The following GAREM1 variants were observed in gnomAD, a reference collection of about 807,000 sequenced individuals.
GAREM1 encodes the protein GRB2-associated and regulator of MAPK protein 1.
GAREM1 carries 26 observed loss-of-function variants against 71.3 expected under a neutral mutation model. The ratio of observed to expected loss-of-function variants is 0.36; its 90% confidence interval spans 0.27 to 0.51. The LOEUF is 0.51. Among genes scored for constraint, GAREM1 ranks in the 20% least tolerant of loss-of-function variants. GAREM1 has a pLI of 0.95. For synonymous variants in GAREM1, 440 were observed against 433.2 expected, an observed-to-expected ratio of 1.02 and a Z score of -0.20; for missense variants, 1,026 against 1,103.1, an observed-to-expected ratio of 0.93 and a Z score of 0.99.
rs111359293 is a variant in GAREM1, at chr18:32,272,312, G to A, written c.1567-1929C>T. Among the ~76,000 whole-genome samples the A allele has an allele frequency of 2.9e-3, 440 of 152,308 alleles. 4 individuals carry two copies. The highest frequency in any genetic ancestry group is 0.01 in the African/African-American group (419 of 41,572). ...AAATGAAATGGAAGCAATTTAAAAA[G>A]TCTTATCAACTGCATTTCTTCCCGG... On this transcript the variant is annotated intron_variant, in intron 4 of 5. Transcript: ENST00000269209.
chr18:32,465,736 C>T, intron 1 of GAREM1, among the ~76,000 whole-genome samples: 1 of 152,202 alleles, frequency 6.6e-6, no homozygotes. Context: ...ATCATCACAA[C>T]TGTAAAGGAA....
intron 3 of GAREM1, among the ~76,000 whole-genome samples, chr18:32,299,882 G>T (rs1242377056): frequency 6.6e-6 from 1 of 151,980 alleles, no homozygotes; most frequent in Non-Finnish European, 1.5e-5. Context: ...ACCTTTAAAG[G>T]TTTTAAACAA....
intron 2 of GAREM1, among the ~76,000 whole-genome samples, chr18:32,359,746 G>T (rs907540671): frequency 1.3e-5 from 2 of 152,098 alleles, no homozygotes; most frequent in Non-Finnish European, 2.9e-5. Flanking sequence ...CTTAGCAAGA[G>T]TTTGTCTCTA....
At chr18:32,394,104 G>A (rs1179550181) in intron 1 of GAREM1, among the ~76,000 whole-genome samples, 2 of 152,288 alleles carry the variant, frequency 1.3e-5, no homozygotes, top group East Asian at 3.9e-4. Flanking sequence ...AAACAGTAAT[G>A]CAACAATCTT....
chr18:32,300,189 A>T (rs569325675), intron 3 of GAREM1, among the ~76,000 whole-genome samples: 59 of 152,244 alleles, frequency 3.9e-4, no homozygotes, highest in African/African-American at 1.4e-3. Context: ...TGCCCTAAAG[A>T]CTCCAGAGAG....
chr18:32,461,840 G>A (rs1332533988), intron 1 of GAREM1, among the ~76,000 whole-genome samples: 1 of 152,166 alleles, frequency 6.6e-6, no homozygotes, highest in Non-Finnish European at 1.5e-5. Context: ...AAGATGCATG[G>A]GGAGTTTATG....
intron 1 of GAREM1, among the ~76,000 whole-genome samples, chr18:32,432,464 G>A (rs915271176): frequency 6.6e-6 from 1 of 151,972 alleles, no homozygotes; most frequent in Non-Finnish European, 1.5e-5. Context: ...ATCAATTAAT[G>A]TTTAAAAATA....
At chr18:32,327,917 A>G (rs2047489483) in intron 2 of GAREM1, among the ~76,000 whole-genome samples, 1 of 152,188 alleles carries the variant, frequency 6.6e-6, no homozygotes, top group Non-Finnish European at 1.5e-5. Flanking sequence ...GGATTAAATG[A>G]GGCCATATAG....
intron 2 of GAREM1, among the ~76,000 whole-genome samples, chr18:32,316,099 T>A (rs1039578151): frequency 3.3e-5 from 5 of 152,192 alleles, no homozygotes; most frequent in Non-Finnish European, 2.9e-5. Flanking sequence ...TGTTTTGTCA[T>A]CCTATTGGAC....
At chr18:32,399,588 T>C (rs1458862144) in intron 1 of GAREM1, among the ~76,000 whole-genome samples, 1 of 151,992 alleles carries the variant, frequency 6.6e-6, no homozygotes, top group African/African-American at 2.4e-5. Flanking sequence ...TCAAAGAGAA[T>C]AAAATACCTA....
At chr18:32,461,953 T>A (rs1205714519) in intron 1 of GAREM1, among the ~76,000 whole-genome samples, 25 of 152,164 alleles carry the variant, frequency 1.6e-4, no homozygotes, top group Admixed American at 1.6e-3. Flanking sequence ...GAACTTGCTA[T>A]TTCAGTAAGG....
intron 4 of GAREM1, among the ~76,000 whole-genome samples, chr18:32,283,415 C>A (rs144380453): frequency 6.6e-6 from 1 of 152,056 alleles, no homozygotes; most frequent in East Asian, 1.9e-4. Flanking sequence ...GATGTGGTAG[C>A]GCATGCCTGT....
intron 1 of GAREM1, among the ~76,000 whole-genome samples, chr18:32,442,006 T>A (rs2048743172): frequency 6.8e-6 from 1 of 146,698 alleles, no homozygotes; most frequent in South Asian, 2.2e-4. Context: ...TTTTTTTTTT[T>A]ACAGGAAAAA....
rs573196802 is a variant in GAREM1, at chr18:32,374,282, C to T, written c.262+18613G>A. 2.6e-5 allele frequency among the ~76,000 whole-genome samples: 4 copies of T among 152,346 alleles called. No individual in the cohort carries two copies. In the South Asian group the frequency reaches 8.3e-4, roughly 32 times the overall value. ...TACATTGCGTTCAGTCATTACATCT[C>T]ACTCCACTTCTTGCCCTGGACAATA... is the stretch of plus-strand genomic sequence containing the variant. On this transcript the variant is annotated intron_variant, in intron 2 of 5. Transcript: ENST00000269209.
intron 1 of GAREM1, among the ~76,000 whole-genome samples, chr18:32,435,632 G>A (rs1415382048): frequency 6.6e-6 from 1 of 152,050 alleles, no homozygotes; most frequent in Non-Finnish European, 1.5e-5. Context: ...ATGAGAAATG[G>A]TGACACAGAA....
At chr18:32,351,368 A>C (rs991360039) in intron 2 of GAREM1, among the ~76,000 whole-genome samples, 13 of 152,144 alleles carry the variant, frequency 8.5e-5, no homozygotes, top group African/African-American at 3.1e-4. Flanking sequence ...GCCTATGTAA[A>C]ACTATTGATG....
chr18:32,387,886 T>C (rs2048163363), intron 2 of GAREM1, among the ~76,000 whole-genome samples: 1 of 152,222 alleles, frequency 6.6e-6, no homozygotes, highest in Non-Finnish European at 1.5e-5. Context: ...CGCTGAGTTT[T>C]ATTGCTTTCC....
intron 1 of GAREM1, among the ~76,000 whole-genome samples, chr18:32,440,960 T>C (rs1217956575): frequency 6.6e-6 from 1 of 152,228 alleles, no homozygotes; most frequent in East Asian, 1.9e-4. Flanking sequence ...TTATCAAGTA[T>C]AAAATTTTAA....
chr18:32,303,637 GC>G (rs2047220959), intron 3 of GAREM1, among the ~76,000 whole-genome samples: 1 of 152,196 alleles, frequency 6.6e-6, no homozygotes, highest in Non-Finnish European at 1.5e-5. Flanking sequence ...GAGTAAGCAG[GC>G]CAGGCATGGT....
Sources: gnomAD v4.1 joint callset for allele counts (sites outside exome capture counted in the v4.1 genomes callset) on GRCh38, gnomAD v4.1.1 for gene constraint, MANE v1.5 for transcripts, NCBI Gene and HGNC (gene_info 2026-07-23, HGNC 2026-07-21) for gene names.